Variants in WIF1 observed in about 807,000 individuals in gnomAD.
The protein encoded by WIF1 is Wnt inhibitory factor 1.
In WIF1, 35 loss-of-function variants were observed where a neutral mutation model predicts 53.5. That is an observed-to-expected ratio of 0.65 (90% CI 0.50 to 0.87). WIF1 has a LOEUF of 0.87. Among genes scored for constraint, WIF1 ranks in the 40% least tolerant of loss-of-function variants. The probability of loss-of-function intolerance (pLI) is 0.00; values close to 1 mark genes in which losing one functional copy is unlikely to be tolerated. For missense variants in WIF1, 467 were observed against 476.8 expected (o/e 0.98, Z 0.19); for synonymous variants, 171 against 170.4 (o/e 1.00, Z -0.03).
intron 2 of WIF1, among the ~76,000 whole-genome samples, chr12:65,109,181 C>T (rs144748370): frequency 6.6e-6 from 1 of 152,160 alleles, no homozygotes; most frequent in Non-Finnish European, 1.5e-5. Context: ...AAGTGCCCAC[C>T]TCAGCCCCAC....
At chr12:65,114,293 G>C (rs1407064307) in intron 2 of WIF1, among the ~76,000 whole-genome samples, 2 of 152,074 alleles carry the variant, frequency 1.3e-5, no homozygotes, top group Non-Finnish European at 2.9e-5. Flanking sequence ...AATTTAATGG[G>C]ACCAGTGTTA....
chr12:65,070,049 T>C (rs1360236238), intron 3 of WIF1, among the ~76,000 whole-genome samples: 2 of 152,176 alleles, frequency 1.3e-5, no homozygotes, highest in African/African-American at 2.4e-5. Flanking sequence ...TCTTTTCCTT[T>C]TAGAGTGTCG....
chr12:65,099,509 G>A (rs944738976), intron 2 of WIF1, among the ~76,000 whole-genome samples: 12 of 152,062 alleles, frequency 7.9e-5, no homozygotes, highest in East Asian at 5.8e-4. Context: ...TCCCCAACCC[G>A]CCACCTTGAA....
At chr12:65,067,647 T>A (rs753238585) in intron 5 of WIF1, 48 bp downstream of exon 5, 1 of 1,546,390 alleles carries the variant, frequency 6.5e-7, no homozygotes, top group Non-Finnish European at 8.9e-7. Flanking sequence ...CTGCACGACA[T>A]CCATGTTCAT....
chr12:65,077,703 T>C (rs745648594), intron 3 of WIF1, 43 bp downstream of exon 3: 3 of 1,361,390 alleles, frequency 2.2e-6, no homozygotes, highest in South Asian at 2.4e-5. Flanking sequence ...TTATCATCAT[T>C]ACATTTTAAG....
At chr12:65,103,636 C>T (rs770227785) in intron 2 of WIF1, among the ~76,000 whole-genome samples, 2 of 152,164 alleles carry the variant, frequency 1.3e-5, no homozygotes, top group African/African-American at 2.4e-5. Flanking sequence ...ATATATAGGA[C>T]TCTACAAATG....
intron 2 of WIF1, among the ~76,000 whole-genome samples, chr12:65,119,329 AT>A (rs913096149): frequency 3.3e-5 from 5 of 151,930 alleles, no homozygotes; most frequent in African/African-American, 7.3e-5. Context: ...CAAAACCTCA[AT>A]TTTTTTTAAC....
intron 2 of WIF1, among the ~76,000 whole-genome samples, chr12:65,108,990 A>G (rs1483271292): frequency 6.6e-6 from 1 of 152,226 alleles, no homozygotes; most frequent in East Asian, 1.9e-4. Flanking sequence ...CTGATTATCT[A>G]TAAGACAAAG....
chr12:65,094,012 A>G (rs1162754052), intron 2 of WIF1, among the ~76,000 whole-genome samples: 1 of 152,196 alleles, frequency 6.6e-6, no homozygotes, highest in Non-Finnish European at 1.5e-5. Flanking sequence ...TTGGACCTTT[A>G]TGAATTCCAT....
chr12:65,089,573 A>C (rs1272805388), intron 2 of WIF1, among the ~76,000 whole-genome samples: 2 of 152,128 alleles, frequency 1.3e-5, no homozygotes, highest in Admixed American at 1.3e-4. Flanking sequence ...AGCTCTGCCC[A>C]CCAGCCTCTT....
At chr12:65,077,144 T>G (rs1171022956) in intron 3 of WIF1, among the ~76,000 whole-genome samples, 2 of 152,192 alleles carry the variant, frequency 1.3e-5, no homozygotes, top group Non-Finnish European at 2.9e-5. Context: ...GAGCTGCAAT[T>G]CTGGATTTGA....
At chr12:65,068,164 T>C (rs1415663757) in intron 4 of WIF1, among the ~76,000 whole-genome samples, 3 of 152,124 alleles carry the variant, frequency 2.0e-5, no homozygotes, top group Admixed American at 6.6e-5. Flanking sequence ...TTTAGAGCAC[T>C]GAAATGCTCC....
intron 5 of WIF1, 143 bp downstream of exon 5, chr12:65,067,552 G>T: frequency 1.4e-6 from 1 of 740,240 alleles, no homozygotes; most frequent in South Asian, 1.6e-5. Flanking sequence ...GCCACAGAAA[G>T]TGATGGCATT....
chr12:65,120,907 ATATC>A, intron 1 of WIF1, 133 bp downstream of exon 1: 1 of 1,174,834 alleles, frequency 8.5e-7, no homozygotes, highest in East Asian at 2.9e-5. Context: ...CAGATGGAAA[ATATC>A]TAATTAAAAG....
intron 2 of WIF1, 83 bp from the exon 3 acceptor site, chr12:65,077,937 G>A (rs1240256426): frequency 3.8e-6 from 4 of 1,044,944 alleles, no homozygotes; most frequent in Non-Finnish European, 5.8e-6. Flanking sequence ...CATCTGATGG[G>A]GCAGAGATAA....
At position 65,077,856 on chromosome 12, in the gene WIF1, T is replaced by G; in HGVS notation, c.289-2A>C. The G allele has an allele frequency of 6.2e-7, 1 of 1,611,416 alleles. No homozygotes were observed. Among genetic ancestry groups the G allele is most frequent in the Non-Finnish European group, 8.5e-7 (1 of 1,178,042 alleles). ...CAGGAATTCATAGAAGTATTCTGCC[T>G]ACAACCAAAGGCACTGACAGTTAGT... On this transcript the variant is annotated splice_acceptor_variant, in intron 2 of 9. Coordinates refer to ENST00000286574, the MANE Select transcript of WIF1 (RefSeq NM_007191.5). LOFTEE classifies it high-confidence loss of function.
chr12:65,101,588 G>C (rs978044905), intron 2 of WIF1, among the ~76,000 whole-genome samples: 1 of 152,132 alleles, frequency 6.6e-6, no homozygotes, highest in Non-Finnish European at 1.5e-5. Context: ...CTTTATTTTT[G>C]CTACAAGTAA....
chr12:65,077,679 C>T, intron 3 of WIF1, 67 bp downstream of exon 3: 1 of 1,168,322 alleles, frequency 8.6e-7, no homozygotes, highest in Admixed American at 1.9e-5. Flanking sequence ...AGGACATTTG[C>T]ATCTTAAATA....
At chr12:65,116,760 C>T (rs908572059) in intron 2 of WIF1, among the ~76,000 whole-genome samples, 1 of 151,318 alleles carries the variant, frequency 6.6e-6, no homozygotes, top group Non-Finnish European at 1.5e-5. Context: ...TGGTGAAACC[C>T]CGTCTCTACT....
Sources: gnomAD v4.1 joint callset for allele counts (sites outside exome capture counted in the v4.1 genomes callset) on GRCh38, gnomAD v4.1.1 for gene constraint, MANE v1.5 for transcripts, NCBI Gene and HGNC (gene_info 2026-07-23, HGNC 2026-07-21) for gene names.